The following TRIM58 variants were observed in gnomAD, a reference collection of about 807,000 sequenced individuals.
TRIM58 encodes E3 ubiquitin-protein ligase TRIM58.
TRIM58 carries 38 observed loss-of-function variants against 34.1 expected under a neutral mutation model. That is an observed-to-expected ratio of 1.12 (90% CI 0.86 to 1.46). The LOEUF is 1.46. Ranked by LOEUF, TRIM58 falls within the 40% of genes most tolerant of loss-of-function variation. The pLI, the probability that TRIM58 is intolerant of heterozygous loss-of-function variation, is 0.00. For synonymous variants in TRIM58, 273 were observed against 275.7 expected, an observed-to-expected ratio of 0.99 and a Z score of 0.10; for missense variants, 677 against 642.0, an observed-to-expected ratio of 1.05 and a Z score of -0.59.
intron 5 of TRIM58, among the ~76,000 whole-genome samples, chr1:247,874,254 AT>A (rs2103335301): frequency 6.6e-6 from 1 of 152,240 alleles, no homozygotes; most frequent in Non-Finnish European, 1.5e-5. Context: ...ACCTACAGTC[AT>A]GGTGGAAAGC....
rs1246672762 is a variant in TRIM58 at position 247,877,762 on chromosome 1, A to G, written c.*1273A>G. 1 of 152,216 alleles carries G rather than the reference A, an allele frequency of 6.6e-6. No individual in the cohort carries two copies. Among genetic ancestry groups the G allele is most frequent in the Non-Finnish European group, 1.5e-5 (1 of 68,040 alleles). 9.4% of individuals were successfully genotyped at this position (152,216 alleles called of 1,614,324 possible). On this transcript the variant is annotated 3_prime_UTR_variant, in exon 6 of 6. Coordinates refer to ENST00000366481, the MANE Select transcript of TRIM58 (RefSeq NM_015431.4). The stretch of plus-strand genomic sequence containing the variant: ...TTATAATGATGATGATGAAATCATG[A>G]TAATATTTAACTTATTTTTAAAGTA...
In TRIM58 at chr1:247,876,759, G is replaced by T; in HGVS notation, c.*270G>T. ...GTCTTCCTTCAAATTAATGACCTTG[G>T]ATTACATAAGGATTTCTATGCATTC... On this transcript the variant is annotated 3_prime_UTR_variant, in exon 6 of 6. Transcript: ENST00000366481. 2 of 447,666 alleles carry T rather than the reference G, an allele frequency of 4.5e-6. No individual in the cohort carries two copies. The highest frequency in any genetic ancestry group is 4.0e-5 in the East Asian group (1 of 25,292). 27.7% of individuals were successfully genotyped at this position (447,666 alleles called of 1,614,324 possible). A position where few individuals can be genotyped will look rare whatever the true frequency, so the allele number is the denominator to read the frequency against.
In TRIM58 at chr1:247,879,035, C is replaced by T. The variant is rs75089463; in HGVS notation, c.*2546C>T. Reference sequence around the variant, plus strand: ...TACCCGTTTCCTGGCTTTCCCTCTCCTTTCCTCTGAATGGTAGTCTTTTAT... The same window carrying T: ...TACCCGTTTCCTGGCTTTCCCTCTCTTTTCCTCTGAATGGTAGTCTTTTAT... On this transcript the variant is annotated 3_prime_UTR_variant, in exon 6 of 6. Coordinates refer to ENST00000366481, the MANE Select transcript of TRIM58 (RefSeq NM_015431.4). 1.4e-3 allele frequency among the ~76,000 whole-genome samples: 213 copies of T among 152,252 alleles called. 4 individuals are homozygous for T. The East Asian group carries it at 0.035, about 25-fold the overall frequency.
chr1:247,865,662 G>A (rs79122164), intron 3 of TRIM58, among the ~76,000 whole-genome samples: 2,731 of 152,284 alleles, frequency 0.018, 83 homozygotes, highest in African/African-American at 0.062. Context: ...AGAAAGACGA[G>A]TAAGAGTGAA....
chr1:247,862,373 T>C (rs1260451045), intron 2 of TRIM58, among the ~76,000 whole-genome samples: 1 of 152,160 alleles, frequency 6.6e-6, no homozygotes, highest in Non-Finnish European at 1.5e-5. Flanking sequence ...TTCTAGGTGA[T>C]AGGGATATAG....
intron 1 of TRIM58, among the ~76,000 whole-genome samples, chr1:247,859,751 A>G (rs1225937491): frequency 6.6e-6 from 1 of 152,046 alleles, no homozygotes; most frequent in Non-Finnish European, 1.5e-5. Context: ...GAAGTTATAT[A>G]GAGAAATACA....
In TRIM58 at chr1:247,878,923, T is replaced by C. The variant is rs946703; in HGVS notation, c.*2434T>C. Among the ~76,000 whole-genome samples the C allele has an allele frequency of 0.98, 149,849 of 152,238 alleles. 73,796 individuals carry two copies. Among genetic ancestry groups the C allele is most frequent in the East Asian group, 1 (5,174 of 5,174 alleles). ...AGTTTTGTGTGTCTCCTGTAATGAC[T>C]CTTCTCTTTCCCTTTCCAACTCCTG... On this transcript the variant is annotated 3_prime_UTR_variant, in exon 6 of 6. Transcript: ENST00000366481.
intron 2 of TRIM58, among the ~76,000 whole-genome samples, chr1:247,863,311 G>A (rs377124257): frequency 7.9e-5 from 12 of 152,190 alleles, no homozygotes; most frequent in East Asian, 5.8e-4. Flanking sequence ...AGGCCGATGC[G>A]GGCCGATCGT....
Position 247,876,575 on chromosome 1 carries a change from AC to A in TRIM58, c.*90del. ...ATCAATATACTAAGTTTTAACAGAT[AC>A]CCCATTTAGGTCAGCACTTGATTCG... On this transcript the variant is annotated 3_prime_UTR_variant, in exon 6 of 6. Transcript: ENST00000366481. 9.8e-7 allele frequency: 1 copy of A among 1,025,308 alleles called. No homozygotes were observed. The highest frequency in any genetic ancestry group is 1.4e-6 in the Non-Finnish European group (1 of 710,300). The allele number at this position is 1,025,308 out of a possible 1,614,324, so 63.5% of individuals were successfully genotyped here.
At chr1:247,861,649 C>A (rs1256056964) in intron 2 of TRIM58, among the ~76,000 whole-genome samples, 1 of 151,824 alleles carries the variant, frequency 6.6e-6, no homozygotes, top group Non-Finnish European at 1.5e-5. Context: ...CTTTTCTGAT[C>A]ACTCTATATA....
At chr1:247,863,850 T>C (rs4925572) in intron 2 of TRIM58, among the ~76,000 whole-genome samples, 55,037 of 151,988 alleles carry the variant, frequency 0.36, 10,930 homozygotes, top group African/African-American at 0.53. Context: ...ATTAATTCTC[T>C]GACGTGAACT....
chr1:247,876,083 T>C lies in TRIM58; in HGVS notation c.1055T>C (p.Val352Ala). Residue 352 changes from valine (V) to alanine (A), a missense_variant, in exon 6 of 6, where the codon GTG becomes GCG. Physicochemically the swap from Val to Ala is moderately conservative, Grantham distance 64. Coordinates refer to ENST00000366481, the MANE Select transcript of TRIM58 (RefSeq NM_015431.4). The part of the protein sequence containing the change: ...SSGRHYWEVL[V>A]GEGAEWGLGV... ...GGGAGGCATTACTGGGAGGTTCTGG[T>C]GGGAGAAGGAGCAGAGTGGGGTTTA... The C allele has an allele frequency of 1.2e-6, 2 of 1,614,068 alleles. No individual in the cohort carries two copies. Among genetic ancestry groups the C allele is most frequent in the Non-Finnish European group, 8.5e-7 (1 of 1,180,014 alleles).
intron 1 of TRIM58, among the ~76,000 whole-genome samples, chr1:247,860,109 C>T (rs921329053): frequency 6.6e-6 from 1 of 152,042 alleles, no homozygotes; most frequent in Non-Finnish European, 1.5e-5. Context: ...GTTATGCTAT[C>T]GTATATAACA....
rs190930076 is a variant in TRIM58, at chr1:247,861,522, G to A, written c.516+810G>A. Among the ~76,000 whole-genome samples, 201 of 152,156 alleles carry A rather than the reference G, an allele frequency of 1.3e-3. 2 individuals carry two copies. Among genetic ancestry groups the A allele is most frequent in the South Asian group, 5.4e-3 (26 of 4,824 alleles). On this transcript the variant is annotated intron_variant, in intron 2 of 5. Coordinates refer to ENST00000366481, the MANE Select transcript of TRIM58 (RefSeq NM_015431.4). ...AGTAGTGTCAAGATTGAGAAACTAC[G>A]TATAGAAACTGTGTGTATAGTTCTA...
In TRIM58 at chr1:247,877,870, AATT is replaced by A. The variant is rs1171681970; in HGVS notation, c.*1387_*1389del. 1.3e-5 allele frequency: 2 copies of A among 152,096 alleles called. No homozygotes were observed. Among genetic ancestry groups the A allele is most frequent in the African/African-American group, 4.8e-5 (2 of 41,412 alleles). 9.4% of individuals were successfully genotyped at this position (152,096 alleles called of 1,614,324 possible). A position where few individuals can be genotyped will look rare whatever the true frequency, so the allele number is the denominator to read the frequency against. On this transcript the variant is annotated 3_prime_UTR_variant, in exon 6 of 6. Coordinates refer to ENST00000366481, the MANE Select transcript of TRIM58 (RefSeq NM_015431.4). ...TTCTTTGTATCACTGTCTTCTAAAT[AATT>A]ATTATGTCTGGGTACAGTGGCTCAC... is the stretch of plus-strand genomic sequence containing the variant.
intron 3 of TRIM58, 52 bp downstream of exon 3, chr1:247,864,987 A>G: frequency 6.9e-7 from 1 of 1,459,738 alleles, no homozygotes; most frequent in Non-Finnish European, 9.2e-7. Context: ...GGTGACAGAG[A>G]CTAGTACAAT....
chr1:247,869,645 T>G (rs1664014639), intron 5 of TRIM58, among the ~76,000 whole-genome samples: 1 of 152,228 alleles, frequency 6.6e-6, no homozygotes, highest in Non-Finnish European at 1.5e-5. Flanking sequence ...TGGTGACTCA[T>G]GCACTCCTCT....
At position 247,875,936 on chromosome 1, in the gene TRIM58, G is replaced by A. The variant is rs777544037; in HGVS notation, c.908G>A (p.Ser303Asn). Residue 303 changes from serine to asparagine, a missense_variant, in exon 6 of 6, where the codon AGT becomes AAT. Physicochemically the swap from Ser to Asn is conservative, Grantham distance 46. Coordinates refer to ENST00000366481, the MANE Select transcript of TRIM58 (RefSeq NM_015431.4). Reference sequence around the variant, plus strand: ...CTGGATCCCGCCACGGCGCACCCGAGTCTGCTCTTGACCGCCGACCTGCGC... The same window carrying A: ...CTGGATCCCGCCACGGCGCACCCGAATCTGCTCTTGACCGCCGACCTGCGC... ...VKLDPATAHP[S>N]LLLTADLRSV... The A allele has an allele frequency of 3.7e-6, 6 of 1,613,980 alleles. No individual in the cohort carries two copies. In the African/African-American group the frequency reaches 5.3e-5, roughly 14 times the overall value.
At chr1:247,874,280 C>T (rs1162929890) in intron 5 of TRIM58, among the ~76,000 whole-genome samples, 1 of 152,126 alleles carries the variant, frequency 6.6e-6, no homozygotes, top group Non-Finnish European at 1.5e-5. Flanking sequence ...GAGGAGCCAG[C>T]GTATCACATG....
Sources: gnomAD v4.1 joint callset for allele counts (sites outside exome capture counted in the v4.1 genomes callset) on GRCh38, gnomAD v4.1.1 for gene constraint, MANE v1.5 for transcripts, NCBI Gene and HGNC (gene_info 2026-07-23, HGNC 2026-07-21) for gene names.